ARHGAP15: variants seen among roughly 807,000 people sequenced by gnomAD.
ARHGAP15 encodes the protein rho GTPase-activating protein 15.
A neutral mutation model predicts 63.7 loss-of-function variants in ARHGAP15; 51 were observed. That is an observed-to-expected ratio of 0.80 (90% CI 0.64 to 1.01). The LOEUF is 1.01. Ranked by LOEUF, ARHGAP15 falls within the 50% of genes least tolerant of loss-of-function variation. The probability of loss-of-function intolerance (pLI) is 0.00; values close to 1 mark genes in which losing one functional copy is unlikely to be tolerated. For synonymous variants in ARHGAP15, 191 were observed against 193.8 expected, an observed-to-expected ratio of 0.99 and a Z score of 0.12; for missense variants, 560 against 564.6, an observed-to-expected ratio of 0.99 and a Z score of 0.08.
At chr2:143,364,635 CTTGGTT>C (rs1209530976) in intron 6 of ARHGAP15, among the ~76,000 whole-genome samples, 2 of 152,100 alleles carry the variant, frequency 1.3e-5, no homozygotes, top group Non-Finnish European at 2.9e-5. Flanking sequence ...ATCAAGAAAG[CTTGGTT>C]TTGAAGTACG....
chr2:143,425,187 T>C (rs1370101055), intron 6 of ARHGAP15, among the ~76,000 whole-genome samples: 8 of 152,118 alleles, frequency 5.3e-5, no homozygotes, highest in Admixed American at 5.2e-4. Context: ...TTGCACACAT[T>C]TGGCATGGAG....
intron 10 of ARHGAP15, among the ~76,000 whole-genome samples, chr2:143,526,255 A>T (rs1694276559): frequency 6.6e-6 from 1 of 152,142 alleles, no homozygotes; most frequent in South Asian, 2.1e-4. Context: ...TTCAACAACC[A>T]GAGAGGCTAT....
chr2:143,146,600 A>T (rs2104996299), intron 1 of ARHGAP15, among the ~76,000 whole-genome samples: 1 of 152,070 alleles, frequency 6.6e-6, no homozygotes, highest in Non-Finnish European at 1.5e-5. Flanking sequence ...TTTATATGCA[A>T]ACATAGGCAT....
At chr2:143,523,922 T>A (rs920178227) in intron 10 of ARHGAP15, among the ~76,000 whole-genome samples, 14 of 152,174 alleles carry the variant, frequency 9.2e-5, no homozygotes, top group African/African-American at 1.7e-4. Context: ...ACAATTTTTT[T>A]AAAATGAAAT....
intron 11 of ARHGAP15, among the ~76,000 whole-genome samples, chr2:143,609,799 C>T (rs1698183763): frequency 6.6e-6 from 1 of 152,140 alleles, no homozygotes; most frequent in Non-Finnish European, 1.5e-5. Context: ...GAGGCATCTG[C>T]AGCAGAACAG....
chr2:143,622,016 GTGTT>G (rs1698663304), intron 11 of ARHGAP15, among the ~76,000 whole-genome samples: 1 of 152,044 alleles, frequency 6.6e-6, no homozygotes, highest in Admixed American at 6.6e-5. Flanking sequence ...GTGTGTGTGT[GTGTT>G]TGTGTGTGTG....
At chr2:143,393,968 C>T (rs1687652580) in intron 6 of ARHGAP15, among the ~76,000 whole-genome samples, 1 of 152,086 alleles carries the variant, frequency 6.6e-6, no homozygotes, top group Non-Finnish European at 1.5e-5. Flanking sequence ...GATGGAACCC[C>T]CAACAGGGCC....
At chr2:143,747,221 C>T (rs963453782) in intron 13 of ARHGAP15, among the ~76,000 whole-genome samples, 5 of 151,390 alleles carry the variant, frequency 3.3e-5, no homozygotes, top group African/African-American at 4.9e-5. Context: ...ACGCTCAGCA[C>T]GTGTATTCAT....
chr2:143,484,406 C>T (rs1692225517), intron 8 of ARHGAP15, among the ~76,000 whole-genome samples: 1 of 151,346 alleles, frequency 6.6e-6, no homozygotes, highest in South Asian at 2.1e-4. Flanking sequence ...GTGGCACATG[C>T]CTGTAATCCC....
chr2:143,727,051 C>G (rs1249074030), intron 13 of ARHGAP15, among the ~76,000 whole-genome samples: 3 of 152,176 alleles, frequency 2.0e-5, no homozygotes, highest in Admixed American at 6.5e-5. Context: ...CCTCTTCCAG[C>G]CTTTCCACTC....
intron 12 of ARHGAP15, among the ~76,000 whole-genome samples, chr2:143,635,110 T>C (rs1455351245): frequency 1.3e-5 from 2 of 150,894 alleles, no homozygotes; most frequent in African/African-American, 2.4e-5. Context: ...TTCTTTCAGT[T>C]GCCACACAAT....
intron 11 of ARHGAP15, among the ~76,000 whole-genome samples, chr2:143,622,761 GA>G (rs1698686448): frequency 9.1e-6 from 1 of 109,346 alleles, no homozygotes; most frequent in South Asian, 3.1e-4. Context: ...ATAAGCCTTA[GA>G]AACGATCGTT....
At position 143,323,894 on chromosome 2, in the gene ARHGAP15, C is replaced by CAAAAAAAAAAA. The variant is rs55804357; in HGVS notation, c.474+73313_474+73323dup. On this transcript the variant is annotated intron_variant, in intron 6 of 13. Transcript: ENST00000295095. ...TGGGTGACAGAGCAAGACTCCGTCTCAAAAAAAAAAAAAAAAAAAAAAAAA... is the reference window on the plus strand; with the variant it reads ...TGGGTGACAGAGCAAGACTCCGTCTCAAAAAAAAAAAAAAAAAAAAAAAAAAAAAAAAAAAA... Among the ~76,000 whole-genome samples, 12 of 26,174 alleles carry CAAAAAAAAAAA rather than the reference C, an allele frequency of 4.6e-4. 2 individuals are homozygous for CAAAAAAAAAAA. The highest frequency in any genetic ancestry group is 2.1e-3 in the African/African-American group (11 of 5,278). 17.2% of individuals were successfully genotyped at this position (26,174 alleles called of 152,430 possible). A position where few individuals can be genotyped will look rare whatever the true frequency, so the allele number is the denominator to read the frequency against.
chr2:143,569,410 G>A (rs1266985627), intron 11 of ARHGAP15, among the ~76,000 whole-genome samples: 1 of 152,166 alleles, frequency 6.6e-6, no homozygotes, highest in East Asian at 1.9e-4. Flanking sequence ...AGACGGGTGA[G>A]GTGGCCCTTG....
intron 10 of ARHGAP15, among the ~76,000 whole-genome samples, chr2:143,555,925 T>TAGAATAGAATAGAATAGAATAGAAC (rs1428740193): frequency 8.0e-6 from 1 of 124,474 alleles, no homozygotes; most frequent in Non-Finnish European, 1.7e-5. Context: ...TAGAATAGAA[T>TAGAATAGAATAGAATAGAATAGAAC]AGAACAGAGT....
rs190439407 is a variant in ARHGAP15 at position 143,163,760 on chromosome 2, T to C, written c.165+8105T>C. ...TGGCAGAAGAAAAGCACAAGTCCTCTGACTTAGAAAGATTTGCTATTTGGA... is the reference window on the plus strand; with the variant it reads ...TGGCAGAAGAAAAGCACAAGTCCTCCGACTTAGAAAGATTTGCTATTTGGA... On this transcript the variant is annotated intron_variant, in intron 2 of 13. Coordinates refer to ENST00000295095, the MANE Select transcript of ARHGAP15 (RefSeq NM_018460.4). Among the ~76,000 whole-genome samples, 24 of 152,228 alleles carry C rather than the reference T, an allele frequency of 1.6e-4. No homozygotes were observed. The East Asian group carries it at 4.7e-3, about 30-fold the overall frequency.
chr2:143,433,685 G>A (rs150769320), intron 6 of ARHGAP15, among the ~76,000 whole-genome samples: 26 of 152,062 alleles, frequency 1.7e-4, no homozygotes, highest in African/African-American at 5.5e-4. Context: ...TGGCTCTTTC[G>A]TAAACCCTCA....
chr2:143,744,397 A>T (rs1445390803), intron 13 of ARHGAP15, among the ~76,000 whole-genome samples: 1 of 152,220 alleles, frequency 6.6e-6, no homozygotes, highest in Non-Finnish European at 1.5e-5. Flanking sequence ...CTTCATCCAT[A>T]AAGAAAAGCA....
chr2:143,141,697 A>G (rs1689373071), intron 1 of ARHGAP15, among the ~76,000 whole-genome samples: 1 of 152,202 alleles, frequency 6.6e-6, no homozygotes, highest in Non-Finnish European at 1.5e-5. Flanking sequence ...TTTCTAAAGC[A>G]GTAGTACAAA....
Sources: allele counts gnomAD v4.1 joint callset (sites outside exome capture counted in the v4.1 genomes callset), GRCh38; gene constraint gnomAD v4.1.1; transcripts MANE v1.5; gene names NCBI Gene and HGNC (gene_info 2026-07-23, HGNC 2026-07-21).